Variants in FHIT observed in about 807,000 individuals in gnomAD.
The protein encoded by FHIT is fragile histidine triad diadenosine triphosphatase, also known as bis(5'-adenosyl)-triphosphatase.
In FHIT, 19 loss-of-function variants were observed where a neutral mutation model predicts 17.9. That is an observed-to-expected ratio of 1.06 (90% CI 0.74 to 1.56). The LOEUF (loss-of-function observed/expected upper bound fraction) is 1.56, where lower values mean the gene tolerates loss of function less well. Among genes scored for constraint, FHIT ranks in the 40% most tolerant of loss-of-function variants. FHIT has a pLI of 0.00. For synonymous variants in FHIT, 81 were observed against 69.7 expected (o/e 1.16, Z -0.81); for missense variants, 248 against 189.2 (o/e 1.31, Z -1.82).
intron 4 of FHIT, chr3:60,537,470 T>C: frequency 1.0e-6 from 1 of 983,566 alleles, no homozygotes; most frequent in Non-Finnish European, 1.2e-6. Context: ...TTGCCTACAA[T>C]TACAAAAACA....
At chr3:61,046,161 G>C (rs1218960714) in intron 2 of FHIT, among the ~76,000 whole-genome samples, 2 of 152,102 alleles carry the variant, frequency 1.3e-5, no homozygotes, top group Non-Finnish European at 2.9e-5. Context: ...GAAGGAGATA[G>C]AGACGCAAAA....
chr3:60,131,988 A>G (rs1307189823), intron 5 of FHIT, among the ~76,000 whole-genome samples: 1 of 152,158 alleles, frequency 6.6e-6, no homozygotes. Context: ...CCAGTTGTCA[A>G]ACAGACTGAG....
intron 4 of FHIT, among the ~76,000 whole-genome samples, chr3:60,556,084 A>G (rs1423284656): frequency 3.9e-5 from 6 of 152,188 alleles, no homozygotes; most frequent in African/African-American, 7.2e-5. Flanking sequence ...CTCAAAGGGA[A>G]CACTAATTGG....
At chr3:61,201,625 T>C (rs1401983982) in intron 1 of FHIT, among the ~76,000 whole-genome samples, 1 of 152,094 alleles carries the variant, frequency 6.6e-6, no homozygotes, top group Non-Finnish European at 1.5e-5. Flanking sequence ...AAAGAATGCA[T>C]TACCACTGAT....
At chr3:60,759,814 G>C (rs555780948) in intron 4 of FHIT, among the ~76,000 whole-genome samples, 3 of 152,328 alleles carry the variant, frequency 2.0e-5, no homozygotes, top group African/African-American at 7.2e-5. Flanking sequence ...AAGTGGGATG[G>C]AGAGAACATG....
intron 3 of FHIT, among the ~76,000 whole-genome samples, chr3:60,952,481 T>C (rs1464724548): frequency 6.6e-6 from 1 of 152,168 alleles, no homozygotes; most frequent in Non-Finnish European, 1.5e-5. Flanking sequence ...AGAATCTCAG[T>C]ACTATTCCAG....
At chr3:60,093,996 T>C (rs1352410230) in intron 5 of FHIT, among the ~76,000 whole-genome samples, 1 of 152,124 alleles carries the variant, frequency 6.6e-6, no homozygotes, top group Non-Finnish European at 1.5e-5. Context: ...ATGTGTAAGG[T>C]GTGAGAATCC....
chr3:61,043,707 C>T (rs926609906), intron 2 of FHIT, among the ~76,000 whole-genome samples: 2 of 152,208 alleles, frequency 1.3e-5, no homozygotes, highest in African/African-American at 4.8e-5. Context: ...ACCCAAGTAG[C>T]CTAACTGGGA....
At position 60,409,339 on chromosome 3, in the gene FHIT, A is replaced by G. The variant is rs902877819; in HGVS notation, c.103+127521T>C. Among the ~76,000 whole-genome samples, 7 of 152,216 alleles carry G rather than the reference A, an allele frequency of 4.6e-5. No individual in the cohort carries two copies. The East Asian group carries it at 1.2e-3, about 25-fold the overall frequency. Reference sequence around the variant, plus strand: ...TTTAGAGAGAAGAAAGAAAAGGTCTAAAGACTATTTAAAGTAAAGTGAAAT... The same window carrying G: ...TTTAGAGAGAAGAAAGAAAAGGTCTGAAGACTATTTAAAGTAAAGTGAAAT... On this transcript the variant is annotated intron_variant, in intron 5 of 9. Coordinates refer to ENST00000492590, the MANE Select transcript of FHIT (RefSeq NM_002012.4).
chr3:61,013,386 C>G (rs1488752243), intron 3 of FHIT, among the ~76,000 whole-genome samples: 1 of 152,160 alleles, frequency 6.6e-6, no homozygotes, highest in Admixed American at 6.5e-5. Context: ...ATTTGCTTTA[C>G]CCTAAGACTC....
chr3:60,702,353 A>C lies in FHIT; in HGVS notation c.-18+119566T>G, dbSNP rs539070145. On this transcript the variant is annotated intron_variant, in intron 4 of 9. Transcript: ENST00000492590. ...TGCCATTCTGATAAATTATATTAAC[A>C]TATCTATTTTATAGGAATGAATGAC... 5.3e-4 allele frequency among the ~76,000 whole-genome samples: 80 copies of C among 152,294 alleles called. No homozygotes were observed. The East Asian group carries it at 0.011, about 22-fold the overall frequency.
chr3:61,153,462 T>C (rs73095004), intron 2 of FHIT, among the ~76,000 whole-genome samples: 4,398 of 152,226 alleles, frequency 0.029, 81 homozygotes, highest in Non-Finnish European at 0.038. Flanking sequence ...GAACCCCCAG[T>C]TGGAAAAAGT....
intron 4 of FHIT, among the ~76,000 whole-genome samples, chr3:60,654,070 C>G (rs1347367074): frequency 1.3e-5 from 2 of 149,960 alleles, no homozygotes; most frequent in African/African-American, 5.0e-5. Context: ...CTCGCTTCCC[C>G]ACTCTCTCTC....
At chr3:60,006,039 C>T (rs568974879) in intron 7 of FHIT, among the ~76,000 whole-genome samples, 1 of 152,050 alleles carries the variant, frequency 6.6e-6, no homozygotes, top group African/African-American at 2.4e-5. Context: ...TCAGAACTAC[C>T]GAGTCAGCAA....
intron 8 of FHIT, among the ~76,000 whole-genome samples, chr3:59,805,616 T>G (rs1028787331): frequency 1.3e-5 from 2 of 152,162 alleles, no homozygotes; most frequent in Admixed American, 6.5e-5. Context: ...CCTTCAAAGT[T>G]TTTAGGTAGC....
At position 59,783,337 on chromosome 3, in the gene FHIT, C is replaced by T. The variant is rs560431463; in HGVS notation, c.349-31016G>A. Among the ~76,000 whole-genome samples the T allele has an allele frequency of 3.6e-4, 55 of 152,136 alleles. No individual in the cohort carries two copies. In the South Asian group the frequency reaches 7.3e-3, roughly 20 times the overall value. The stretch of plus-strand genomic sequence containing the variant: ...TACAAAAATTAGCTGGGGGTGGTGG[C>T]GCATGCCTGTAGTCTCAGCTACTCG... On this transcript the variant is annotated intron_variant, in intron 8 of 9. Coordinates refer to ENST00000492590, the MANE Select transcript of FHIT (RefSeq NM_002012.4).
At chr3:61,206,945 G>C (rs1166770841) in intron 1 of FHIT, among the ~76,000 whole-genome samples, 1 of 152,114 alleles carries the variant, frequency 6.6e-6, no homozygotes, top group Non-Finnish European at 1.5e-5. Context: ...GTATGATATT[G>C]GCTGTGGGTT....
intron 5 of FHIT, among the ~76,000 whole-genome samples, chr3:60,418,372 GTGTGTATATATATA>G (rs1268468064): frequency 0.021 from 113 of 5,330 alleles, 3 homozygotes; most frequent in African/African-American, 0.022. Context: ...GTATCTGAAT[GTGTGTATATATATA>G]TATATATATA....
chr3:60,950,558 C>G (rs1404570426), intron 3 of FHIT, among the ~76,000 whole-genome samples: 1 of 151,528 alleles, frequency 6.6e-6, no homozygotes, highest in Non-Finnish European at 1.5e-5. Context: ...ACTCTGTCGC[C>G]CAGGCTGGAC....
Sources: allele counts gnomAD v4.1 joint callset (sites outside exome capture counted in the v4.1 genomes callset), GRCh38; gene constraint gnomAD v4.1.1; transcripts MANE v1.5; gene names NCBI Gene and HGNC (gene_info 2026-07-23, HGNC 2026-07-21).